TNIK: variants seen among roughly 807,000 people sequenced by gnomAD.
TNIK encodes the protein TRAF2 and NCK interacting kinase, also known as TRAF2 and NCK-interacting protein kinase.
TNIK carries 49 observed loss-of-function variants against 191.3 expected under a neutral mutation model. That is an observed-to-expected ratio of 0.26 (90% CI 0.20 to 0.32). The LOEUF is 0.32. Among genes scored for constraint, TNIK ranks in the 10% least tolerant of loss-of-function variants. TNIK has a pLI of 1.00. For missense variants in TNIK, 1,155 were observed against 1,702.3 expected (o/e 0.68, Z 5.66); for synonymous variants, 594 against 600.9 (o/e 0.99, Z 0.17).
intron 2 of TNIK, among the ~76,000 whole-genome samples, chr3:171,305,200 A>T (rs886411587): frequency 6.6e-6 from 1 of 152,112 alleles, no homozygotes; most frequent in Non-Finnish European, 1.5e-5. Context: ...CGGCCAGTAC[A>T]TAGCACATAT....
At position 171,306,625 on chromosome 3, in the gene TNIK, C is replaced by T. The variant is rs145043823; in HGVS notation, c.123+62995G>A. Among the ~76,000 whole-genome samples, 668 of 152,222 alleles carry T rather than the reference C, an allele frequency of 4.4e-3. 9 individuals are homozygous for T. The highest frequency in any genetic ancestry group is 0.015 in the African/African-American group (635 of 41,542). ...AGTGACCAATGGTGAGACTCTTAAA[C>T]GTTTGGATTCCTTTTGAACAACAAC... On this transcript the variant is annotated intron_variant, in intron 2 of 32. Coordinates refer to ENST00000436636, the MANE Select transcript of TNIK (RefSeq NM_015028.4).
intron 7 of TNIK, among the ~76,000 whole-genome samples, chr3:171,187,855 A>C (rs1737555386): frequency 6.6e-6 from 1 of 152,192 alleles, no homozygotes; most frequent in Admixed American, 6.5e-5. Context: ...AGTTTTGCCC[A>C]AGTTGTCCTG....
chr3:171,392,128 TA>T (rs1161751807), intron 1 of TNIK, among the ~76,000 whole-genome samples: 1 of 152,200 alleles, frequency 6.6e-6, no homozygotes, highest in African/African-American at 2.4e-5. Flanking sequence ...GCTAATTCAT[TA>T]AAAAGAAATT....
chr3:171,192,308 T>A lies in TNIK; in HGVS notation c.418-1521A>T, dbSNP rs539904046. ...GGGACTGAAGATCCCTTTCCCTCTT[T>A]CACTACTGAAGTGGTTGAAAGCAGA... On this transcript the variant is annotated intron_variant, in intron 5 of 32. Transcript: ENST00000436636. Among the ~76,000 whole-genome samples the A allele has an allele frequency of 1.3e-3, 192 of 152,318 alleles. 1 individual carries two copies. Among genetic ancestry groups the A allele is most frequent in the Non-Finnish European group, 1.9e-3 (129 of 68,030 alleles).
intron 22 of TNIK, among the ~76,000 whole-genome samples, chr3:171,097,685 C>CT (rs1403704482): frequency 2.0e-5 from 3 of 152,174 alleles, no homozygotes; most frequent in Admixed American, 6.5e-5. Context: ...TTGTGAGGCC[C>CT]CCCTAGCCAT....
At chr3:171,193,796 A>G (rs1318018797) in intron 5 of TNIK, among the ~76,000 whole-genome samples, 1 of 152,230 alleles carries the variant, frequency 6.6e-6, no homozygotes, top group Non-Finnish European at 1.5e-5. Flanking sequence ...CAGTAGACAT[A>G]TAATAACCTC....
intron 18 of TNIK, among the ~76,000 whole-genome samples, chr3:171,113,998 TAAAAAA>T (rs10576485): frequency 7.2e-6 from 1 of 139,452 alleles, no homozygotes; most frequent in South Asian, 2.3e-4. Flanking sequence ...ACGATTTTGT[TAAAAAA>T]AAAAAAAAAA....
intron 23 of TNIK, 54 bp downstream of exon 23, chr3:171,093,785 T>G: frequency 1.9e-6 from 3 of 1,601,630 alleles, no homozygotes; most frequent in Non-Finnish European, 2.6e-6. Context: ...AGCTTTAATG[T>G]AAAAACCACT....
chr3:171,075,025 G>C (rs1719711776), intron 28 of TNIK, among the ~76,000 whole-genome samples: 1 of 152,204 alleles, frequency 6.6e-6, no homozygotes, highest in Admixed American at 6.5e-5. Flanking sequence ...ATGTTAGAAG[G>C]GCCAACAGTA....
At chr3:171,130,764 T>A (rs1206330199) in intron 15 of TNIK, among the ~76,000 whole-genome samples, 1 of 152,216 alleles carries the variant, frequency 6.6e-6, no homozygotes, top group East Asian at 1.9e-4. Flanking sequence ...ATAAGCATCC[T>A]TCAGTGTCTG....
intron 2 of TNIK, among the ~76,000 whole-genome samples, chr3:171,244,813 T>C (rs1280356452): frequency 6.7e-6 from 1 of 150,276 alleles, no homozygotes; most frequent in Admixed American, 6.6e-5. Flanking sequence ...TGCTTCTCTT[T>C]AAATATTATA....
In TNIK at chr3:171,421,966, G is replaced by A. The variant is rs963402640; in HGVS notation, c.57+38041C>T. On this transcript the variant is annotated intron_variant, in intron 1 of 32. Transcript: ENST00000436636. ...AGGCTGGTCTCAAACTCCTGGCCTC[G>A]TGATCTGCCCGCCTTGGCCTCCCAA... Among the ~76,000 whole-genome samples the A allele has an allele frequency of 5.9e-5, 9 of 151,880 alleles. No homozygotes were observed. The South Asian group carries it at 1.0e-3, about 18-fold the overall frequency.
intron 1 of TNIK, among the ~76,000 whole-genome samples, chr3:171,412,512 T>C (rs968311647): frequency 6.6e-6 from 1 of 152,202 alleles, no homozygotes; most frequent in Admixed American, 6.5e-5. Flanking sequence ...AAGAGATTAA[T>C]TGAGCCCTTA....
At chr3:171,143,068 TGTA>T (rs1389797126) in intron 12 of TNIK, among the ~76,000 whole-genome samples, 1 of 152,208 alleles carries the variant, frequency 6.6e-6, no homozygotes, top group Non-Finnish European at 1.5e-5. Flanking sequence ...CCAAGTACTC[TGTA>T]GTTTCTGAGA....
At chr3:171,418,084 C>T (rs1361267308) in intron 1 of TNIK, among the ~76,000 whole-genome samples, 1 of 152,160 alleles carries the variant, frequency 6.6e-6, no homozygotes, top group Non-Finnish European at 1.5e-5. Context: ...TTGATTTCCT[C>T]ATCTTTAAAA....
At chr3:171,429,081 T>A (rs1160786805) in intron 1 of TNIK, among the ~76,000 whole-genome samples, 1 of 152,128 alleles carries the variant, frequency 6.6e-6, no homozygotes, top group Non-Finnish European at 1.5e-5. Context: ...AAGCTCCAGC[T>A]TTAGATCCAC....
chr3:171,297,117 G>C (rs193190138), intron 2 of TNIK, among the ~76,000 whole-genome samples: 3 of 152,128 alleles, frequency 2.0e-5, no homozygotes, highest in Admixed American at 2.0e-4. Flanking sequence ...GTCGTTTTCA[G>C]TGTTGGCTCT....
chr3:171,440,068 A>G (rs898003720), intron 1 of TNIK, among the ~76,000 whole-genome samples: 1 of 152,242 alleles, frequency 6.6e-6, no homozygotes, highest in South Asian at 2.1e-4. Context: ...CTCTGTTTTT[A>G]TGATAGCCAA....
At chr3:171,369,503 T>C (rs1716195192) in intron 2 of TNIK, 117 bp downstream of exon 2, 1 of 648,012 alleles carries the variant, frequency 1.5e-6, no homozygotes, top group Non-Finnish European at 2.6e-6. Context: ...TCAACAAGTA[T>C]ATTAATTCAT....
Sources: allele counts gnomAD v4.1 joint callset (sites outside exome capture counted in the v4.1 genomes callset), GRCh38; gene constraint gnomAD v4.1.1; transcripts MANE v1.5; gene names NCBI Gene and HGNC (gene_info 2026-07-23, HGNC 2026-07-21).